The following CFAP221 variants were observed in gnomAD, a reference collection of about 807,000 sequenced individuals.
CFAP221 encodes the protein cilia and flagella associated protein 221.
A neutral mutation model predicts 113.1 loss-of-function variants in CFAP221; 97 were observed. That is an observed-to-expected ratio of 0.86 (90% CI 0.73 to 1.02). The LOEUF (loss-of-function observed/expected upper bound fraction) is 1.02, where lower values mean the gene tolerates loss of function less well. Ranked by LOEUF, CFAP221 falls within the 50% of genes least tolerant of loss-of-function variation. CFAP221 has a pLI of 0.00. For missense variants in CFAP221, 1,025 were observed against 1,013.4 expected (o/e 1.01, Z -0.16); for synonymous variants, 331 against 354.4 (o/e 0.93, Z 0.74).
chr2:119,608,553 T>TGGCC lies in CFAP221; in HGVS notation c.1185_1186insGGCC (p.Thr396GlyfsTer3). ...TGTCTTTTAAACTTAAAAAAGAGCT[T>TGGCC]ACTGAAGAGTGGCAAAAAGCATGTG... On this transcript the variant is annotated frameshift_variant, in exon 12 of 24. Coordinates refer to ENST00000413369, the MANE Select transcript of CFAP221 (RefSeq NM_001271049.2). LOFTEE classifies it high-confidence loss of function. 2 of 1,613,860 alleles carry TGGCC rather than the reference T, an allele frequency of 1.2e-6. No homozygotes were observed. The highest frequency in any genetic ancestry group is 1.7e-6 in the Non-Finnish European group (2 of 1,179,878).
chr2:119,578,204 C>A (rs963276617), intron 6 of CFAP221, among the ~76,000 whole-genome samples: 1 of 152,188 alleles, frequency 6.6e-6, no homozygotes, highest in Non-Finnish European at 1.5e-5. Context: ...AGGCCTTGGC[C>A]TTAAGAAACA....
At chr2:119,546,836 T>G (rs1057186302) in intron 2 of CFAP221, among the ~76,000 whole-genome samples, 4 of 152,226 alleles carry the variant, frequency 2.6e-5, no homozygotes, top group Non-Finnish European at 5.9e-5. Flanking sequence ...ACATATCCTG[T>G]GTCTGGAAAG....
chr2:119,647,183 C>A, intron 22 of CFAP221, 133 bp downstream of exon 22: 1 of 602,920 alleles, frequency 1.7e-6, no homozygotes, highest in Non-Finnish European at 2.9e-6. Context: ...AAGGCTAACA[C>A]CCATCCATAC....
At chr2:119,641,609 C>T (rs1687494602) in intron 21 of CFAP221, among the ~76,000 whole-genome samples, 1 of 152,184 alleles carries the variant, frequency 6.6e-6, no homozygotes, top group Non-Finnish European at 1.5e-5. Context: ...TGATGGCATC[C>T]TCACATTTGT....
chr2:119,633,866 A>G (rs1686945760), intron 19 of CFAP221, among the ~76,000 whole-genome samples: 2 of 152,250 alleles, frequency 1.3e-5, no homozygotes, highest in Admixed American at 6.5e-5. Context: ...CTTACACACT[A>G]TTGGTAGAAA....
intron 6 of CFAP221, among the ~76,000 whole-genome samples, chr2:119,577,795 A>T (rs1682557014): frequency 6.6e-6 from 1 of 152,254 alleles, no homozygotes; most frequent in African/African-American, 2.4e-5. Context: ...AAATGGGGTA[A>T]GATAATCATT....
At chr2:119,566,137 C>G (rs1681606941) in intron 6 of CFAP221, among the ~76,000 whole-genome samples, 1 of 152,038 alleles carries the variant, frequency 6.6e-6, no homozygotes, top group Non-Finnish European at 1.5e-5. Context: ...GGCACCACTT[C>G]CAGGAGGAGG....
intron 12 of CFAP221, among the ~76,000 whole-genome samples, chr2:119,609,488 T>C (rs1278015912): frequency 6.6e-6 from 1 of 152,120 alleles, no homozygotes; most frequent in Admixed American, 6.5e-5. Flanking sequence ...ATTCCAGACC[T>C]CTCTCCTTGG....
At chr2:119,628,849 A>G (rs1314910737) in intron 16 of CFAP221, among the ~76,000 whole-genome samples, 1 of 152,158 alleles carries the variant, frequency 6.6e-6, no homozygotes, top group African/African-American at 2.4e-5. Flanking sequence ...AATGTCTGAC[A>G]CTCGATAATT....
At chr2:119,649,850 C>T (rs192142430) in intron 22 of CFAP221, among the ~76,000 whole-genome samples, 91 of 152,268 alleles carry the variant, frequency 6.0e-4, no homozygotes, top group Non-Finnish European at 1.0e-3. Flanking sequence ...CTGGGTTGAC[C>T]GAGGCCATCT....
chr2:119,564,859 G>T (rs1681511185), intron 6 of CFAP221, among the ~76,000 whole-genome samples: 1 of 152,090 alleles, frequency 6.6e-6, no homozygotes, highest in South Asian at 2.1e-4. Flanking sequence ...TCCTTGTAAA[G>T]TACATGGCTC....
At chr2:119,567,934 A>G (rs1189960744) in intron 6 of CFAP221, among the ~76,000 whole-genome samples, 1 of 151,976 alleles carries the variant, frequency 6.6e-6, no homozygotes, top group Non-Finnish European at 1.5e-5. Flanking sequence ...CTTTTAGCAT[A>G]CCAGTTATAT....
At chr2:119,544,985 G>T in intron 1 of CFAP221, 1 of 152,440 alleles carries the variant, frequency 6.6e-6, no homozygotes, top group Non-Finnish European at 1.5e-5. Flanking sequence ...GGGAAGGGAA[G>T]CAGGTGAGGA....
At chr2:119,657,629 G>A (rs1480883629), downstream of CFAP221, among the ~76,000 whole-genome samples, 1 of 152,168 alleles carries the variant, frequency 6.6e-6, no homozygotes, top group African/African-American at 2.4e-5. Context: ...ATCAGAAACA[G>A]GAAATTACAA....
intron 6 of CFAP221, among the ~76,000 whole-genome samples, chr2:119,568,036 TCA>T (rs760100355): frequency 1.1e-4 from 17 of 152,248 alleles, no homozygotes; most frequent in Non-Finnish European, 2.2e-4. Context: ...CTGTACTGCT[TCA>T]CAGATAGTTT....
At chr2:119,590,329 T>A (rs1428898233) in intron 7 of CFAP221, 1 of 152,222 alleles carries the variant, frequency 6.6e-6, no homozygotes, top group Non-Finnish European at 1.5e-5. Flanking sequence ...ACCCAGAACC[T>A]CTGCCCTTGC....
At chr2:119,566,184 T>G (rs922929913) in intron 6 of CFAP221, among the ~76,000 whole-genome samples, 1 of 152,070 alleles carries the variant, frequency 6.6e-6, no homozygotes, top group Non-Finnish European at 1.5e-5. Flanking sequence ...TGACTAGAAA[T>G]GAGCCAGCAA....
At chr2:119,577,604 C>T (rs1682541535) in intron 6 of CFAP221, among the ~76,000 whole-genome samples, 1 of 152,158 alleles carries the variant, frequency 6.6e-6, no homozygotes. Flanking sequence ...ATTTATTAAC[C>T]ATGTGACCTT....
Position 119,629,949 on chromosome 2 carries a change from T to C in CFAP221, c.1725T>C (p.Asn575=). The change falls in exon 17 of 24, where the codon AAT becomes AAC. Residue 575 remains asparagine (N), a synonymous_variant. Coordinates refer to ENST00000413369, the MANE Select transcript of CFAP221 (RefSeq NM_001271049.2). ...TCAAGCAGAGTTATTCCTTCTTCAA[T>C]CTGCAGGTCAGACCTGTCACATAAA... ...VQIKQSYSFF[N]LQVPQLYKIK... 1 of 1,610,090 alleles carries C rather than the reference T, an allele frequency of 6.2e-7. No homozygotes were observed. The highest frequency in any genetic ancestry group is 1.1e-5 in the South Asian group (1 of 90,970).
Sources: allele counts gnomAD v4.1 joint callset (sites outside exome capture counted in the v4.1 genomes callset), GRCh38; gene constraint gnomAD v4.1.1; transcripts MANE v1.5; gene names NCBI Gene and HGNC (gene_info 2026-07-23, HGNC 2026-07-21).